ARHGAP42: variants seen among roughly 807,000 people sequenced by gnomAD.
ARHGAP42 encodes the protein rho GTPase-activating protein 42.
ARHGAP42 carries 63 observed loss-of-function variants against 125.0 expected under a neutral mutation model. The observed-to-expected ratio is 0.50, with a 90% CI of 0.41 to 0.62. ARHGAP42 has a LOEUF of 0.62. Ranked by LOEUF, ARHGAP42 falls within the 20% of genes least tolerant of loss-of-function variation. The pLI is 0.00. For missense variants in ARHGAP42, 766 were observed against 1,024.2 expected (o/e 0.75, Z 3.44); for synonymous variants, 339 against 351.0 (o/e 0.97, Z 0.38).
rs1863678335 is a variant in ARHGAP42 at position 100,795,125 on chromosome 11, G to T, written c.271G>T (p.Ala91Ser). 2 of 1,546,640 alleles carry T rather than the reference G, an allele frequency of 1.3e-6. No individual in the cohort carries two copies. The highest frequency in any genetic ancestry group is 2.5e-5 in the East Asian group (1 of 40,672). The part of the protein sequence containing the change: ...ISIAQSLKEF[A>S]RLLIAVEEER... ...AACAGCTCAGTCACTAAAAGAATTT[G>T]CAAGACTACTCATTGCAGTAGAAGA... The change falls in exon 3 of 24, where the codon GCA becomes TCA. Residue 91 changes from alanine to serine, a missense_variant. Around this residue, in one of 3 missense-constraint regions of ARHGAP42, gnomAD observed 455 missense variants for 636.5 expected, o/e 0.71. Transcript: ENST00000298815.
chr11:100,880,631 T>A (rs1238780718), intron 4 of ARHGAP42, among the ~76,000 whole-genome samples: 1 of 152,240 alleles, frequency 6.6e-6, no homozygotes, highest in East Asian at 1.9e-4. Context: ...GATTGCTGGA[T>A]CAAATGGTAG....
chr11:100,701,579 A>G (rs1318625551), intron 1 of ARHGAP42, among the ~76,000 whole-genome samples: 1 of 152,184 alleles, frequency 6.6e-6, no homozygotes, highest in Non-Finnish European at 1.5e-5. Context: ...TATTGTAGGG[A>G]TGGCTTCTTT....
At chr11:100,811,156 A>G (rs1044720846) in intron 3 of ARHGAP42, among the ~76,000 whole-genome samples, 17 of 152,248 alleles carry the variant, frequency 1.1e-4, no homozygotes, top group Middle Eastern at 3.4e-3. Context: ...GGGTTTGACC[A>G]TGTTGGCCAG....
At chr11:100,843,533 T>A (rs1864990091) in intron 3 of ARHGAP42, among the ~76,000 whole-genome samples, 1 of 152,108 alleles carries the variant, frequency 6.6e-6, no homozygotes, top group African/African-American at 2.4e-5. Flanking sequence ...GCTGATGATA[T>A]GATTGTATAC....
chr11:100,858,423 G>A lies in ARHGAP42; in HGVS notation c.313-1131G>A, dbSNP rs77811714. ...TCATTCTCATTTTTCTGCAAATCGA[G>A]GATTAACAGGATCATGGATGGTGGT... is the stretch of plus-strand genomic sequence containing the variant. On this transcript the variant is annotated intron_variant, in intron 3 of 23. Transcript: ENST00000298815. Among the ~76,000 whole-genome samples, 3,622 of 151,988 alleles carry A rather than the reference G, an allele frequency of 0.024. 227 individuals are homozygous for A. In the East Asian group the frequency reaches 0.25, roughly 10 times the overall value.
chr11:100,781,583 A>G (rs188406510), intron 2 of ARHGAP42, among the ~76,000 whole-genome samples: 1 of 152,188 alleles, frequency 6.6e-6, no homozygotes, highest in Non-Finnish European at 1.5e-5. Flanking sequence ...TAGGTGCTGA[A>G]GATACATCAT....
At chr11:100,725,510 C>T (rs1269055234) in intron 1 of ARHGAP42, among the ~76,000 whole-genome samples, 2 of 150,612 alleles carry the variant, frequency 1.3e-5, no homozygotes, top group East Asian at 2.0e-4. Context: ...TTAAGAATTA[C>T]GGCTAGGCAT....
chr11:100,780,747 A>G (rs1351772520), intron 2 of ARHGAP42, among the ~76,000 whole-genome samples: 2 of 152,248 alleles, frequency 1.3e-5, no homozygotes, highest in East Asian at 3.8e-4. Context: ...TTAAGTATCA[A>G]CCAGATCTAA....
At chr11:100,840,406 A>G (rs1864918198) in intron 3 of ARHGAP42, among the ~76,000 whole-genome samples, 1 of 152,190 alleles carries the variant, frequency 6.6e-6, no homozygotes, top group South Asian at 2.1e-4. Context: ...TTCAAGATCT[A>G]TCACTTTTGA....
In ARHGAP42 at chr11:100,795,294, T is replaced by C. The variant is rs7102924; in HGVS notation, c.312+128T>C. 8.6e-6 allele frequency: 5 copies of C among 583,558 alleles called. No individual in the cohort carries two copies. In the South Asian group the frequency reaches 1.1e-4, roughly 12 times the overall value. 36.1% of individuals were successfully genotyped at this position (583,558 alleles called of 1,614,324 possible). ...TTTGACACGTCTACTAATTTTTACA[T>C]GTATTTTTGAAAAGATTTGTGACTA... On this transcript the variant is annotated intron_variant, in intron 3 of 23. Transcript: ENST00000298815.
At chr11:100,926,279 A>G (rs967703686) in intron 6 of ARHGAP42, among the ~76,000 whole-genome samples, 4 of 152,198 alleles carry the variant, frequency 2.6e-5, no homozygotes, top group African/African-American at 9.7e-5. Context: ...TAGTTGTTAG[A>G]TGAAGAAGCT....
intron 9 of ARHGAP42, among the ~76,000 whole-genome samples, chr11:100,942,890 A>G (rs1867919460): frequency 6.6e-6 from 1 of 152,138 alleles, no homozygotes; most frequent in Non-Finnish European, 1.5e-5. Context: ...ACTACTGTAA[A>G]TCCAACTTAT....
intron 4 of ARHGAP42, among the ~76,000 whole-genome samples, chr11:100,892,994 C>A (rs989587061): frequency 2.0e-5 from 3 of 152,148 alleles, no homozygotes; most frequent in Non-Finnish European, 2.9e-5. Context: ...TTTATAACAA[C>A]TAAAAGAACT....
chr11:100,759,148 A>T (rs1001128535), intron 1 of ARHGAP42, among the ~76,000 whole-genome samples: 2 of 152,162 alleles, frequency 1.3e-5, no homozygotes, highest in Non-Finnish European at 2.9e-5. Context: ...TTTTGTCAGC[A>T]GCCAGGTGTC....
Position 100,992,870 on chromosome 11 carries a change from T to TG in ARHGAP42, c.*4071dup. 1 of 707,328 alleles carries TG rather than the reference T, an allele frequency of 1.4e-6. No homozygotes were observed. 43.8% of individuals were successfully genotyped at this position (707,328 alleles called of 1,614,324 possible). ...TAGACCAATGATTACAAGGTGTCTG[T>TG]GGTTTAGGGGGCCCAGCCCATCATT... On this transcript the variant is annotated 3_prime_UTR_variant, in exon 24 of 24. Coordinates refer to ENST00000298815, the MANE Select transcript of ARHGAP42 (RefSeq NM_152432.4).
intron 15 of ARHGAP42, 38 bp from the exon 16 acceptor site, chr11:100,962,371 T>C: frequency 6.6e-7 from 1 of 1,508,624 alleles, no homozygotes; most frequent in Non-Finnish European, 9.0e-7. Flanking sequence ...AATAAAAGAT[T>C]CTACTATTCT....
At chr11:100,790,233 C>A (rs908173365) in intron 2 of ARHGAP42, among the ~76,000 whole-genome samples, 2 of 152,050 alleles carry the variant, frequency 1.3e-5, no homozygotes, top group African/African-American at 2.4e-5. Context: ...ATGATATTGG[C>A]AAATATAGAA....
intron 4 of ARHGAP42, among the ~76,000 whole-genome samples, chr11:100,868,957 A>G (rs1346538472): frequency 1.3e-5 from 2 of 152,086 alleles, no homozygotes; most frequent in African/African-American, 4.8e-5. Flanking sequence ...AATTATTGCT[A>G]TTATATACTT....
chr11:100,895,968 C>T (rs1490040286), intron 4 of ARHGAP42, among the ~76,000 whole-genome samples: 3 of 152,034 alleles, frequency 2.0e-5, no homozygotes, highest in Non-Finnish European at 4.4e-5. Flanking sequence ...TTAGGTATTT[C>T]CCCTAATGCT....
Sources: allele counts gnomAD v4.1 joint callset (sites outside exome capture counted in the v4.1 genomes callset), GRCh38; gene constraint gnomAD v4.1.1; regional missense constraint gnomAD v4.1.1; transcripts MANE v1.5; gene names NCBI Gene and HGNC (gene_info 2026-07-23, HGNC 2026-07-21).